Variants in PPIL6 observed in about 807,000 individuals in gnomAD.
PPIL6 encodes probable inactive peptidyl-prolyl cis-trans isomerase-like 6.
Under a neutral mutation model 36.8 loss-of-function variants are expected in PPIL6, and 39 were observed. The observed-to-expected ratio is 1.06, with a 90% CI of 0.82 to 1.38. The LOEUF is 1.38. PPIL6 is among the 40% of genes most tolerant of loss of function. PPIL6 has a pLI of 0.00. For missense variants in PPIL6, 368 were observed against 379.1 expected (o/e 0.97, Z 0.24); for synonymous variants, 123 against 134.1 (o/e 0.92, Z 0.57).
chr6:109,395,787 G>A (rs140725446), intron 7 of PPIL6, among the ~76,000 whole-genome samples: 7 of 149,910 alleles, frequency 4.7e-5, no homozygotes. Flanking sequence ...TGTATTTTTA[G>A]TAGAGACGGG....
In PPIL6 at chr6:109,392,020, T is replaced by G. The variant is rs1772112977; in HGVS notation, c.*806A>C. 1 of 152,206 alleles carries G rather than the reference T, an allele frequency of 6.6e-6. No homozygotes were observed. The highest frequency in any genetic ancestry group is 2.4e-5 in the African/African-American group (1 of 41,444). The allele number at this position is 152,206 out of a possible 1,614,324, so 9.4% of individuals were successfully genotyped here. On this transcript the variant is annotated 3_prime_UTR_variant, in exon 8 of 8. Transcript: ENST00000521072. The stretch of plus-strand genomic sequence containing the variant: ...AGGTGTGTTGCTAAATTAAGAATTT[T>G]TTGTCCACAAGTAACAAAATTCTCA...
intron 6 of PPIL6, among the ~76,000 whole-genome samples, chr6:109,409,901 T>C (rs1216323577): frequency 6.6e-6 from 1 of 152,262 alleles, no homozygotes; most frequent in Non-Finnish European, 1.5e-5. Flanking sequence ...TTCATGTTCA[T>C]AGGCTAGAAG....
intron 6 of PPIL6, chr6:109,403,003 C>G: frequency 6.9e-7 from 1 of 1,455,234 alleles, no homozygotes; most frequent in Non-Finnish European, 9.2e-7. Context: ...CCGTGTCTCT[C>G]TGACTCACTC....
intron 1 of PPIL6, among the ~76,000 whole-genome samples, chr6:109,437,378 G>A (rs1774504573): frequency 6.6e-6 from 1 of 152,098 alleles, no homozygotes; most frequent in South Asian, 2.1e-4. Flanking sequence ...ATTCCAAGGG[G>A]AGAAAACCAG....
intron 4 of PPIL6, 43 bp from the exon 5 acceptor site, chr6:109,427,037 C>T: frequency 6.3e-7 from 1 of 1,595,152 alleles, no homozygotes; most frequent in Non-Finnish European, 8.6e-7. Context: ...AAATATTTAA[C>T]ACTCCAACAG....
intron 3 of PPIL6, among the ~76,000 whole-genome samples, chr6:109,428,463 G>C (rs1374089382): frequency 6.7e-6 from 1 of 150,344 alleles, no homozygotes; most frequent in Non-Finnish European, 1.5e-5. Context: ...GAGGCAATAG[G>C]ATCACCTGAG....
At chr6:109,426,735 A>C in intron 5 of PPIL6, 112 bp downstream of exon 5, 2 of 683,358 alleles carry the variant, frequency 2.9e-6, no homozygotes, top group Non-Finnish European at 4.5e-6. Flanking sequence ...TTCTTTAAAT[A>C]CGTCTAATTT....
intron 7 of PPIL6, among the ~76,000 whole-genome samples, chr6:109,393,221 A>ATTTT (rs35022203): frequency 1.4e-5 from 2 of 143,444 alleles, no homozygotes; most frequent in Non-Finnish European, 3.0e-5. Flanking sequence ...AGTCAGGGTG[A>ATTTT]TTTTTTTTTT....
intron 2 of PPIL6, among the ~76,000 whole-genome samples, chr6:109,431,967 A>C (rs1774185023): frequency 6.6e-6 from 1 of 152,212 alleles, no homozygotes; most frequent in Admixed American, 6.5e-5. Flanking sequence ...ACCTTGGCCC[A>C]AATTAACACT....
intron 6 of PPIL6, among the ~76,000 whole-genome samples, chr6:109,412,885 C>T (rs908070078): frequency 1.3e-5 from 2 of 152,116 alleles, no homozygotes; most frequent in Non-Finnish European, 2.9e-5. Flanking sequence ...CATGGCTGGG[C>T]GTGGTAGCTC....
In PPIL6 at chr6:109,419,170, A is replaced by C; in HGVS notation, c.688+17T>G. On this transcript the variant is annotated intron_variant, in intron 6 of 7. Coordinates refer to ENST00000521072, the MANE Select transcript of PPIL6 (RefSeq NM_173672.5). ...TAATCAACTAATATATAACTAACAA[A>C]ATGTAAAGATACATACCTTCAAATG... 1 of 1,475,738 alleles carries C rather than the reference A, an allele frequency of 6.8e-7. No individual in the cohort carries two copies. Among genetic ancestry groups the C allele is most frequent in the South Asian group, 1.1e-5 (1 of 87,588 alleles). 91.4% of individuals were successfully genotyped at this position (1,475,738 alleles called of 1,614,324 possible). A position where few individuals can be genotyped will look rare whatever the true frequency, so the allele number is the denominator to read the frequency against.
chr6:109,410,583 CA>C (rs1366249583), intron 6 of PPIL6, among the ~76,000 whole-genome samples: 1 of 152,080 alleles, frequency 6.6e-6, no homozygotes, highest in Non-Finnish European at 1.5e-5. Context: ...TAACGGATTC[CA>C]CTTGAACCCC....
chr6:109,431,407 C>T (rs1389938053), intron 2 of PPIL6, 62 bp from the exon 3 acceptor site: 1 of 1,258,922 alleles, frequency 7.9e-7, no homozygotes, highest in Non-Finnish European at 1.1e-6. Context: ...ACTTGCTAAA[C>T]CCATAAGCCA....
At chr6:109,434,684 G>A (rs949074607) in intron 2 of PPIL6, among the ~76,000 whole-genome samples, 1 of 152,168 alleles carries the variant, frequency 6.6e-6, no homozygotes, top group African/African-American at 2.4e-5. Flanking sequence ...ACCCAGCACA[G>A]AACAATCGAA....
At chr6:109,433,465 G>A (rs1380855782) in intron 2 of PPIL6, among the ~76,000 whole-genome samples, 1 of 152,238 alleles carries the variant, frequency 6.6e-6, no homozygotes, top group East Asian at 1.9e-4. Flanking sequence ...GGCTAAAGAT[G>A]TAAATGCCTT....
chr6:109,431,939 C>T (rs989174474), intron 2 of PPIL6, among the ~76,000 whole-genome samples: 1 of 152,194 alleles, frequency 6.6e-6, no homozygotes, highest in Non-Finnish European at 1.5e-5. Flanking sequence ...GGAAATGTGT[C>T]CTGGGCTGCA....
At chr6:109,398,025 G>A (rs552506128) in intron 7 of PPIL6, among the ~76,000 whole-genome samples, 1 of 151,990 alleles carries the variant, frequency 6.6e-6, no homozygotes. Flanking sequence ...CTGAGTAGCT[G>A]GGACTACAGG....
chr6:109,396,241 A>C (rs777648457), intron 7 of PPIL6, among the ~76,000 whole-genome samples: 3 of 152,052 alleles, frequency 2.0e-5, no homozygotes, highest in Non-Finnish European at 2.9e-5. Flanking sequence ...CTTCCTTTTC[A>C]TTCTTTGCCA....
chr6:109,403,060 C>G, intron 6 of PPIL6: 3 of 1,532,906 alleles, frequency 2.0e-6, no homozygotes, highest in Non-Finnish European at 2.6e-6. Context: ...TCCAACCCCT[C>G]TGCTTTCCTT....
Sources: allele counts gnomAD v4.1 joint callset (sites outside exome capture counted in the v4.1 genomes callset), GRCh38; gene constraint gnomAD v4.1.1; transcripts MANE v1.5; gene names NCBI Gene and HGNC (gene_info 2026-07-23, HGNC 2026-07-21).